The following LPP variants were observed in gnomAD, a reference collection of about 807,000 sequenced individuals.
The protein encoded by LPP is lipoma-preferred partner.
LPP carries 38 observed loss-of-function variants against 60.4 expected under a neutral mutation model. The ratio of observed to expected loss-of-function variants is 0.63; its 90% CI spans 0.49 to 0.83. LPP has a LOEUF of 0.83. Ranked by LOEUF, LPP falls within the 40% of genes least tolerant of loss-of-function variation. LPP has a pLI of 0.00. For synonymous variants in LPP, 328 were observed against 290.8 expected (o/e 1.13, Z -1.30); for missense variants, 902 against 783.6 (o/e 1.15, Z -1.80).
intron 8 of LPP, chr3:188,709,779 T>G (rs1866238198): frequency 6.6e-6 from 1 of 152,240 alleles, no homozygotes. Context: ...AAGACCATTT[T>G]CCTCCCAATC....
intron 2 of LPP, among the ~76,000 whole-genome samples, chr3:188,308,707 C>T (rs970726316): frequency 1.3e-5 from 2 of 152,054 alleles, no homozygotes; most frequent in Non-Finnish European, 2.9e-5. Flanking sequence ...CCAGGGTGCT[C>T]CCCTTATGCG....
intron 7 of LPP, among the ~76,000 whole-genome samples, chr3:188,613,295 T>TATCTATATCTA (rs1844163980): frequency 7.1e-6 from 1 of 141,680 alleles, no homozygotes; most frequent in Non-Finnish European, 1.5e-5. Context: ...TCTATATCTA[T>TATCTATATCTA]ATCTATATCT....
chr3:188,400,728 A>AG lies in LPP; in HGVS notation c.-9-5383dup, dbSNP rs1782035771. On this transcript the variant is annotated intron_variant, in intron 3 of 11. Transcript: ENST00000617246. ...GCTGATGGTGGTTGTGTATTCTCAG[A>AG]GCCTCTCTGGAAATCTTCCCTTTCA... Among the ~76,000 whole-genome samples, 3 of 152,282 alleles carry AG rather than the reference A, an allele frequency of 2.0e-5. No homozygotes were observed. In the South Asian group the frequency reaches 6.2e-4, roughly 32 times the overall value.
chr3:188,157,463 C>T (rs564169488), intron 1 of LPP, among the ~76,000 whole-genome samples: 3 of 152,088 alleles, frequency 2.0e-5, no homozygotes, highest in African/African-American at 4.8e-5. Context: ...ATTTTGTACA[C>T]GGGTAGAGTG....
Position 188,765,859 on chromosome 3 carries a change from C to CTTT in LPP, c.1410+5578_1410+5579insTTT, listed in dbSNP as rs1491383044. 8.3e-5 allele frequency among the ~76,000 whole-genome samples: 8 copies of CTTT among 96,058 alleles called. 2 individuals carry two copies. Among genetic ancestry groups the CTTT allele is most frequent in the African/African-American group, 1.6e-4 (4 of 25,060 alleles). The allele number at this position is 96,058 out of a possible 152,430, so 63.0% of individuals were successfully genotyped here. On this transcript the variant is annotated intron_variant, in intron 9 of 11. Coordinates refer to ENST00000617246, the MANE Select transcript of LPP (RefSeq NM_001375462.1). ...GTGCAACGTGCAACTTAATGTTCAA[C>CTTT]TCTTTTTTTTTTTTTTTTTTTTTTT...
intron 2 of LPP, among the ~76,000 whole-genome samples, chr3:188,331,402 A>G (rs913373581): frequency 6.6e-6 from 1 of 152,180 alleles, no homozygotes; most frequent in African/African-American, 2.4e-5. Flanking sequence ...AGCTCTTTGC[A>G]AGGCAATTTG....
intron 7 of LPP, among the ~76,000 whole-genome samples, chr3:188,686,106 C>T (rs1057423109): frequency 6.6e-6 from 1 of 152,096 alleles, no homozygotes; most frequent in African/African-American, 2.4e-5. Flanking sequence ...AAATACCTTT[C>T]CTATGAACAT....
chr3:188,329,561 G>A (rs1485941851), intron 2 of LPP, among the ~76,000 whole-genome samples: 1 of 152,096 alleles, frequency 6.6e-6, no homozygotes, highest in Non-Finnish European at 1.5e-5. Flanking sequence ...CTGGATTTTG[G>A]AGCATTTTGA....
chr3:188,749,161 ACT>A (rs775120543), intron 8 of LPP, among the ~76,000 whole-genome samples: 134 of 152,290 alleles, frequency 8.8e-4, no homozygotes, highest in Non-Finnish European at 1.5e-3. Context: ...ATGAAAATCT[ACT>A]GTTAGGTAGA....
chr3:188,835,405 T>C (rs1352475845), intron 9 of LPP, among the ~76,000 whole-genome samples: 2 of 148,388 alleles, frequency 1.3e-5, no homozygotes, highest in Non-Finnish European at 3.0e-5. Context: ...GGCGGGCGGA[T>C]CACTTGACTA....
intron 4 of LPP, chr3:188,472,758 A>T (rs1356711066): frequency 6.6e-6 from 1 of 152,234 alleles, no homozygotes; most frequent in Admixed American, 6.5e-5. Flanking sequence ...TTACCAGCCT[A>T]GCCATGCTGC....
chr3:188,214,044 G>A (rs758837057), intron 1 of LPP, among the ~76,000 whole-genome samples: 1 of 147,336 alleles, frequency 6.8e-6, no homozygotes, highest in Non-Finnish European at 1.5e-5. Context: ...AGAAGACACC[G>A]ACCTATTACG....
rs773904718 is a variant in LPP at position 188,878,080 on chromosome 3, C to T, written c.*3601C>T. ...GAAAGAGAGGGCTTTTTCCATGGGGCTATAGTAGAGAGTTAGTGGAATATA... is the reference window on the plus strand; with the variant it reads ...GAAAGAGAGGGCTTTTTCCATGGGGTTATAGTAGAGAGTTAGTGGAATATA... On this transcript the variant is annotated 3_prime_UTR_variant, in exon 12 of 12. Transcript: ENST00000617246. The T allele has an allele frequency of 3.2e-5, 7 of 220,218 alleles. No homozygotes were observed. The highest frequency in any genetic ancestry group is 1.6e-4 in the African/African-American group (7 of 44,560). 13.6% of individuals were successfully genotyped at this position (220,218 alleles called of 1,614,324 possible).
chr3:188,453,632 T>G (rs1159675032), intron 4 of LPP, among the ~76,000 whole-genome samples: 2 of 152,066 alleles, frequency 1.3e-5, no homozygotes, highest in African/African-American at 4.8e-5. Context: ...TCTGTGTCTT[T>G]GCTTGAATGG....
chr3:188,518,038 C>T (rs569447452), intron 5 of LPP, among the ~76,000 whole-genome samples: 20 of 152,248 alleles, frequency 1.3e-4, no homozygotes, highest in African/African-American at 4.1e-4. Flanking sequence ...CATGAGTAAA[C>T]GCTTTCTGAG....
chr3:188,797,082 A>G (rs1395851808), intron 9 of LPP, among the ~76,000 whole-genome samples: 1 of 151,818 alleles, frequency 6.6e-6, no homozygotes, highest in Non-Finnish European at 1.5e-5. Flanking sequence ...TGAATAGAAT[A>G]GCCGTTAGAG....
intron 9 of LPP, among the ~76,000 whole-genome samples, chr3:188,830,763 G>C (rs758003058): frequency 3.9e-5 from 6 of 152,112 alleles, no homozygotes; most frequent in East Asian, 1.9e-4. Flanking sequence ...GTGATGCTCA[G>C]AGCTGACATG....
Position 188,876,504 on chromosome 3 carries a change from G to A in LPP, c.*2025G>A. On this transcript the variant is annotated 3_prime_UTR_variant, in exon 12 of 12. Transcript: ENST00000617246. ...CTTAGGGGCAGCATGTTAGTTTTGG[G>A]AGGCAATGTCAACTGTGTCTCTGAA... 1 of 204,362 alleles carries A rather than the reference G, an allele frequency of 4.9e-6. No homozygotes were observed. The highest frequency in any genetic ancestry group is 1.0e-5 in the Non-Finnish European group (1 of 99,700). 12.7% of individuals were successfully genotyped at this position (204,362 alleles called of 1,614,324 possible). A position where few individuals can be genotyped will look rare whatever the true frequency, so the allele number is the denominator to read the frequency against.
Position 188,563,727 on chromosome 3 carries a change from T to A in LPP, c.429+38940T>A, listed in dbSNP as rs13079235. Among the ~76,000 whole-genome samples the A allele has an allele frequency of 6.4e-5, 2 of 31,332 alleles. 1 individual carries two copies. The highest frequency in any genetic ancestry group is 1.8e-4 in the Non-Finnish European group (2 of 11,272). 20.6% of individuals were successfully genotyped at this position (31,332 alleles called of 152,430 possible). On this transcript the variant is annotated intron_variant, in intron 6 of 11. Coordinates refer to ENST00000617246, the MANE Select transcript of LPP (RefSeq NM_001375462.1). Reference sequence around the variant, plus strand: ...AATTGGAATTGCTTGTGTTTTTTTTTGTTTTTTTTTTGTTTTTTTGAGATT... The same window carrying A: ...AATTGGAATTGCTTGTGTTTTTTTTAGTTTTTTTTTTGTTTTTTTGAGATT...
Sources: allele counts gnomAD v4.1 joint callset (sites outside exome capture counted in the v4.1 genomes callset), GRCh38; gene constraint gnomAD v4.1.1; transcripts MANE v1.5; gene names NCBI Gene and HGNC (gene_info 2026-07-23, HGNC 2026-07-21).